STK31: variants seen among roughly 807,000 people sequenced by gnomAD.
STK31 encodes serine/threonine-protein kinase 31.
A neutral mutation model predicts 129.7 loss-of-function variants in STK31; 89 were observed. That is an observed-to-expected ratio of 0.69 (90% confidence interval 0.58 to 0.82). STK31 has a LOEUF of 0.82. STK31 is among the 40% of genes least tolerant of loss of function. The pLI, the probability that STK31 is intolerant of heterozygous loss-of-function variation, is 0.00. For missense variants in STK31, 1,187 were observed against 1,176.4 expected (o/e 1.01, Z -0.13); for synonymous variants, 448 against 395.3 (o/e 1.13, Z -1.58).
intron 21 of STK31, among the ~76,000 whole-genome samples, chr7:23,788,993 G>T (rs1791462269): frequency 6.6e-6 from 1 of 152,034 alleles, no homozygotes; most frequent in Non-Finnish European, 1.5e-5. Context: ...TGGAAACTAC[G>T]AATACACTTT....
At chr7:23,710,958 C>T (rs1367133617) in intron 1 of STK31, among the ~76,000 whole-genome samples, 1 of 151,994 alleles carries the variant, frequency 6.6e-6, no homozygotes, top group Non-Finnish European at 1.5e-5. Context: ...GCTTTTTGAC[C>T]AGTAGAAAAG....
chr7:23,813,382 G>A (rs1229632101), intron 22 of STK31, among the ~76,000 whole-genome samples: 1 of 152,000 alleles, frequency 6.6e-6, no homozygotes, highest in Non-Finnish European at 1.5e-5. Context: ...ATTCATTGTG[G>A]TGTTGATTGC....
intron 5 of STK31, among the ~76,000 whole-genome samples, chr7:23,728,548 G>A (rs1787221066): frequency 6.6e-6 from 1 of 152,078 alleles, no homozygotes; most frequent in Non-Finnish European, 1.5e-5. Flanking sequence ...TTAAATTAAA[G>A]GGCAGCATGA....
intron 22 of STK31, among the ~76,000 whole-genome samples, chr7:23,799,066 C>T (rs957482838): frequency 6.6e-6 from 1 of 152,052 alleles, no homozygotes; most frequent in Non-Finnish European, 1.5e-5. Flanking sequence ...AGAAGAATTA[C>T]AAACCACTGC....
chr7:23,815,867 AG>A (rs1434432325), intron 23 of STK31, among the ~76,000 whole-genome samples: 1 of 146,078 alleles, frequency 6.8e-6, no homozygotes, highest in Non-Finnish European at 1.5e-5. Flanking sequence ...CTGCAAAGAA[AG>A]GGGGAATTCA....
chr7:23,710,212 G>A, upstream of STK31: 7 of 1,609,768 alleles, frequency 4.3e-6, 1 homozygote, highest in South Asian at 6.6e-5. Context: ...CGCAGTGTGG[G>A]GCCCTTGCGG....
chr7:23,791,719 T>C (rs1791629579), intron 22 of STK31, among the ~76,000 whole-genome samples: 2 of 152,226 alleles, frequency 1.3e-5, no homozygotes, highest in African/African-American at 4.8e-5. Context: ...TGACAAAACC[T>C]TATCTTTGTT....
At chr7:23,830,093 G>A (rs1395076807) in intron 23 of STK31, among the ~76,000 whole-genome samples, 1 of 151,660 alleles carries the variant, frequency 6.6e-6, no homozygotes, top group Non-Finnish European at 1.5e-5. Context: ...GGGACTACAG[G>A]CGCCCGCCAC....
chr7:23,774,804 T>A (rs1023884732), intron 15 of STK31, among the ~76,000 whole-genome samples: 1 of 152,104 alleles, frequency 6.6e-6, no homozygotes, highest in East Asian at 1.9e-4. Flanking sequence ...GTCAATTTTG[T>A]CTTTTGTTGC....
At chr7:23,747,989 A>G (rs1015951336) in intron 8 of STK31, among the ~76,000 whole-genome samples, 5 of 152,054 alleles carry the variant, frequency 3.3e-5, no homozygotes, top group Non-Finnish European at 7.4e-5. Flanking sequence ...CTATTTTTGC[A>G]TATTAAGATT....
rs775889780 is a variant in STK31, at chr7:23,781,410, T to C, written c.1966-9T>C. On this transcript the variant is annotated splice_polypyrimidine_tract_variant and intron_variant, in intron 15 of 23. Coordinates refer to ENST00000355870, the MANE Select transcript of STK31 (RefSeq NM_031414.5). ...GTTAATAAAAAACACTTTTTCTTTC[T>C]GATTCAAGTCAGATGATCCTGATGG... 1.3e-6 allele frequency: 2 copies of C among 1,593,108 alleles called. No individual in the cohort carries two copies. Among genetic ancestry groups the C allele is most frequent in the East Asian group, 2.2e-5 (1 of 44,590 alleles).
At chr7:23,743,847 TTGAC>T (rs890070034) in intron 8 of STK31, among the ~76,000 whole-genome samples, 105 of 152,184 alleles carry the variant, frequency 6.9e-4, no homozygotes, top group African/African-American at 2.4e-3. Context: ...AAATTTTTGA[TTGAC>T]TGGGTTAGTT....
At chr7:23,741,728 G>T (rs1417018782) in intron 8 of STK31, among the ~76,000 whole-genome samples, 2 of 152,194 alleles carry the variant, frequency 1.3e-5, no homozygotes, top group Admixed American at 1.3e-4. Context: ...AGAGGGTGGG[G>T]CCCCTCTCAG....
At chr7:23,797,325 C>A (rs1792036630) in intron 22 of STK31, among the ~76,000 whole-genome samples, 1 of 152,156 alleles carries the variant, frequency 6.6e-6, no homozygotes, top group Non-Finnish European at 1.5e-5. Context: ...CTTTTCAGCA[C>A]CACATAACAC....
chr7:23,825,737 G>C (rs1047634381), intron 23 of STK31, among the ~76,000 whole-genome samples: 1 of 152,024 alleles, frequency 6.6e-6, no homozygotes, highest in Non-Finnish European at 1.5e-5. Context: ...TGGGCATTTA[G>C]TGCTATACAT....
chr7:23,732,805 TA>T (rs1316710618), intron 6 of STK31, among the ~76,000 whole-genome samples: 1 of 152,184 alleles, frequency 6.6e-6, no homozygotes, highest in Non-Finnish European at 1.5e-5. Context: ...ATACCAGCAA[TA>T]ATTTTCAAAG....
intron 11 of STK31, among the ~76,000 whole-genome samples, chr7:23,767,345 G>A (rs1280584427): frequency 2.6e-5 from 4 of 152,108 alleles, no homozygotes; most frequent in African/African-American, 9.7e-5. Context: ...GTTATATGAA[G>A]GGCCTAGGGA....
chr7:23,832,272 A>G lies in STK31; in HGVS notation c.2966A>G (p.Tyr989Cys). 6.2e-7 allele frequency: 1 copy of G among 1,613,944 alleles called. No homozygotes were observed. The highest frequency in any genetic ancestry group is 8.5e-7 in the Non-Finnish European group (1 of 1,179,832). ...CCAAACCCAGAAAAAGATACTGAATACACCCTATATAAAAAGGAAGAAGAA... is the reference window on the plus strand; with the variant it reads ...CCAAACCCAGAAAAAGATACTGAATGCACCCTATATAAAAAGGAAGAAGAA... The part of the protein sequence containing the change: ...SVPNPEKDTE[Y>C]TLYKKEEEIK... The change falls in exon 24 of 24, where the codon TAC becomes TGC. Residue 989 changes from tyrosine to cysteine, a missense_variant. Physicochemically the swap from Tyr to Cys is radical, Grantham distance 194. Transcript: ENST00000355870.
rs1790240725 is a variant in STK31, at chr7:23,772,192, G to A, written c.1879G>A (p.Asp627Asn). ...ATATTTAAATAAGAGTCCCAGTGTG[G>A]ATCACTTGCTATCCATTAAGAAGAC... Reference protein sequence around the residue: ...IEYLNKSPSVDHLLSIKKTLK... With the variant: ...IEYLNKSPSVNHLLSIKKTLK... The change falls in exon 15 of 24, where the codon GAT becomes AAT. Residue 627 changes from aspartate (D) to asparagine (N), a missense_variant. By Grantham distance (23) the Asp-to-Asn change is conservative (BLOSUM62 1). Transcript: ENST00000355870. The A allele has an allele frequency of 6.2e-7, 1 of 1,604,178 alleles. No individual in the cohort carries two copies. Among genetic ancestry groups the A allele is most frequent in the South Asian group, 1.1e-5 (1 of 89,794 alleles).
Sources: gnomAD v4.1 joint callset for allele counts (sites outside exome capture counted in the v4.1 genomes callset) on GRCh38, gnomAD v4.1.1 for gene constraint, MANE v1.5 for transcripts, NCBI Gene and HGNC (gene_info 2026-07-23, HGNC 2026-07-21) for gene names.